FBXL20: variants seen among roughly 807,000 people sequenced by gnomAD.
The protein encoded by FBXL20 is F-box and leucine rich repeat protein 20, also known as F-box/LRR-repeat protein 20.
Under a neutral mutation model 64.0 loss-of-function variants are expected in FBXL20, and 11 were observed. That is an observed-to-expected ratio of 0.17 (90% CI 0.11 to 0.28). The LOEUF is 0.28. FBXL20 is among the 10% of genes least tolerant of loss of function. The pLI, the probability that FBXL20 is intolerant of heterozygous loss-of-function variation, is 1.00. For synonymous variants in FBXL20, 184 were observed against 189.0 expected (o/e 0.97, Z 0.22); for missense variants, 303 against 526.2 (o/e 0.58, Z 4.15).
At chr17:39,303,163 T>C (rs1439659925) in intron 3 of FBXL20, among the ~76,000 whole-genome samples, 4 of 152,202 alleles carry the variant, frequency 2.6e-5, no homozygotes, top group Admixed American at 2.6e-4. Flanking sequence ...ATGTTCACAG[T>C]TCTTAGCAAA....
chr17:39,355,426 G>A (rs1365565552), intron 1 of FBXL20, among the ~76,000 whole-genome samples: 1 of 151,974 alleles, frequency 6.6e-6, no homozygotes, highest in Non-Finnish European at 1.5e-5. Context: ...TTGATTATTT[G>A]ATTTGCAAAT....
chr17:39,308,142 CT>C (rs745543922), intron 2 of FBXL20, among the ~76,000 whole-genome samples: 2,063 of 141,640 alleles, frequency 0.015, 28 homozygotes, highest in African/African-American at 0.042. Context: ...AAAGTTTGAT[CT>C]TTTTTTTTTT....
intron 1 of FBXL20, among the ~76,000 whole-genome samples, chr17:39,380,815 A>T (rs2048014873): frequency 6.6e-6 from 1 of 152,202 alleles, no homozygotes; most frequent in Non-Finnish European, 1.5e-5. Flanking sequence ...GATGAGAAAA[A>T]TTTAACAGGA....
At chr17:39,372,998 T>A (rs1597827176) in intron 1 of FBXL20, among the ~76,000 whole-genome samples, 1 of 151,876 alleles carries the variant, frequency 6.6e-6, no homozygotes, top group African/African-American at 2.4e-5. Flanking sequence ...GACTACTTAT[T>A]TTTCTTTTCT....
At chr17:39,359,690 T>C (rs1306765006) in intron 1 of FBXL20, among the ~76,000 whole-genome samples, 2 of 151,784 alleles carry the variant, frequency 1.3e-5, no homozygotes, top group African/African-American at 4.8e-5. Context: ...GCATTGCTCA[T>C]GGGAATGGAA....
At chr17:39,338,404 GGCC>G (rs1267245644) in intron 2 of FBXL20, among the ~76,000 whole-genome samples, 101 of 152,292 alleles carry the variant, frequency 6.6e-4, no homozygotes, top group African/African-American at 2.3e-3. Flanking sequence ...CACTGCGGAA[GGCC>G]GCAGGGTCCT....
rs111235395 is a variant in FBXL20, at chr17:39,353,278, T to C, written c.43-10037A>G. Among the ~76,000 whole-genome samples the C allele has an allele frequency of 3.2e-4, 48 of 152,304 alleles. 1 individual carries two copies. The highest frequency in any genetic ancestry group is 3.4e-3 in the Middle Eastern group (1 of 294). ...CTACTAAAACATATGCAGCTAAACT[T>C]ACTAAAACTTACTAAACTTACTAAG... On this transcript the variant is annotated intron_variant, in intron 1 of 14. Coordinates refer to ENST00000264658, the MANE Select transcript of FBXL20 (RefSeq NM_032875.3).
chr17:39,274,191 A>G (rs1413153156), intron 10 of FBXL20, among the ~76,000 whole-genome samples: 1 of 152,180 alleles, frequency 6.6e-6, no homozygotes, highest in Non-Finnish European at 1.5e-5. Context: ...TAGTATTTGT[A>G]AAGCACCTAA....
At chr17:39,262,762 G>A (rs909288690) in intron 14 of FBXL20, among the ~76,000 whole-genome samples, 3 of 152,016 alleles carry the variant, frequency 2.0e-5, no homozygotes, top group African/African-American at 7.2e-5. Flanking sequence ...ACTTTGGGAG[G>A]CTGAAGCGGG....
At chr17:39,292,297 A>AATTTATAAT (rs1479430964) in intron 6 of FBXL20, among the ~76,000 whole-genome samples, 9 of 150,562 alleles carry the variant, frequency 6.0e-5, no homozygotes, top group Non-Finnish European at 1.3e-4. Context: ...TAGTATTTAT[A>AATTTATAAT]ATAGTATGTA....
chr17:39,370,564 A>T (rs1302226684), intron 1 of FBXL20, among the ~76,000 whole-genome samples: 3 of 151,318 alleles, frequency 2.0e-5, no homozygotes, highest in Non-Finnish European at 4.4e-5. Context: ...AGGCGGGCGG[A>T]TCACAAGGTC....
intron 5 of FBXL20, among the ~76,000 whole-genome samples, chr17:39,297,795 G>A (rs541751561): frequency 2.0e-5 from 3 of 152,246 alleles, no homozygotes; most frequent in African/African-American, 7.2e-5. Flanking sequence ...GAGTATAGTG[G>A]TGTGATCTCA....
At chr17:39,392,188 C>A (rs1002735260) in intron 1 of FBXL20, among the ~76,000 whole-genome samples, 4 of 151,840 alleles carry the variant, frequency 2.6e-5, no homozygotes, top group Non-Finnish European at 4.4e-5. Flanking sequence ...GCCTATAATC[C>A]CAGCACTTTG....
chr17:39,355,952 A>G (rs2144602035), intron 1 of FBXL20, among the ~76,000 whole-genome samples: 1 of 151,638 alleles, frequency 6.6e-6, no homozygotes, highest in East Asian at 1.9e-4. Context: ...GGGGTGGCTC[A>G]CACCTGTAAT....
upstream of FBXL20, chr17:39,402,426 G>A: frequency 5.2e-6 from 2 of 387,342 alleles, no homozygotes; most frequent in Non-Finnish European, 4.5e-6. Flanking sequence ...CTGAGCAACA[G>A]GCCAAGTGCC....
intron 3 of FBXL20, 142 bp downstream of exon 3, chr17:39,303,443 G>T: frequency 1.7e-6 from 1 of 597,474 alleles, no homozygotes; most frequent in Non-Finnish European, 2.8e-6. Flanking sequence ...ACATGGGTTT[G>T]GGTATGTCAT....
At chr17:39,335,979 A>G (rs931625076) in intron 2 of FBXL20, among the ~76,000 whole-genome samples, 4 of 152,148 alleles carry the variant, frequency 2.6e-5, no homozygotes, top group African/African-American at 9.7e-5. Context: ...CATCTCTACA[A>G]AAGAAAACAA....
intron 2 of FBXL20, among the ~76,000 whole-genome samples, chr17:39,305,529 G>T (rs1277483874): frequency 3.9e-5 from 6 of 151,974 alleles, no homozygotes; most frequent in African/African-American, 1.5e-4. Context: ...ACACAGTGAG[G>T]CTCCCTATTT....
intron 2 of FBXL20, among the ~76,000 whole-genome samples, chr17:39,333,587 C>T (rs1471698963): frequency 7.2e-5 from 11 of 152,092 alleles, no homozygotes; most frequent in Non-Finnish European, 1.5e-4. Flanking sequence ...AAGTGAGGAG[C>T]GTCTCTGCCT....
Sources: gnomAD v4.1 joint callset for allele counts (sites outside exome capture counted in the v4.1 genomes callset) on GRCh38, gnomAD v4.1.1 for gene constraint, MANE v1.5 for transcripts, NCBI Gene and HGNC (gene_info 2026-07-23, HGNC 2026-07-21) for gene names.